Variants in HMGCLL1 observed in about 807,000 individuals in gnomAD.
HMGCLL1 encodes 3-hydroxymethyl-3-methylglutaryl-CoA lyase, cytoplasmic.
Under a neutral mutation model 39.1 loss-of-function variants are expected in HMGCLL1, and 36 were observed. That is an observed-to-expected ratio of 0.92 (90% CI 0.71 to 1.22). HMGCLL1 has a LOEUF of 1.22. HMGCLL1 is among the 50% of genes most tolerant of loss of function. The probability of loss-of-function intolerance (pLI) is 0.00; values close to 1 mark genes in which losing one functional copy is unlikely to be tolerated. For missense variants in HMGCLL1, 451 were observed against 416.5 expected (o/e 1.08, Z -0.72); for synonymous variants, 149 against 144.0 (o/e 1.03, Z -0.25).
intron 7 of HMGCLL1, among the ~76,000 whole-genome samples, chr6:55,471,898 T>C (rs1470982885): frequency 6.6e-6 from 1 of 151,700 alleles, no homozygotes; most frequent in Non-Finnish European, 1.5e-5. Context: ...TGCATGTTCA[T>C]GAATATTATA....
At chr6:55,578,848 G>C (rs533113653) in intron 1 of HMGCLL1, 100 bp downstream of exon 1, 2 of 821,404 alleles carry the variant, frequency 2.4e-6, no homozygotes, top group Admixed American at 2.0e-5. Flanking sequence ...GGGGTGAGGA[G>C]GTGACATAAA....
At chr6:55,509,373 C>G (rs1210638796) in intron 5 of HMGCLL1, among the ~76,000 whole-genome samples, 2 of 151,828 alleles carry the variant, frequency 1.3e-5, no homozygotes, top group Non-Finnish European at 2.9e-5. Context: ...TCACAGTGTA[C>G]TTAAAAATGG....
chr6:55,628,067 T>A, the HMGCLL1 span, among the ~76,000 whole-genome samples: 21 of 1,402 alleles, frequency 0.015, 10 homozygotes, highest in Non-Finnish European at 0.029. Context: ...ATATATATAG[T>A]GTATATATAT....
chr6:55,456,805 T>C (rs953648616), intron 7 of HMGCLL1, among the ~76,000 whole-genome samples: 3 of 152,154 alleles, frequency 2.0e-5, no homozygotes, highest in African/African-American at 7.2e-5. Context: ...ATCCAGCCTA[T>C]AGGGCTCACT....
intron 6 of HMGCLL1, among the ~76,000 whole-genome samples, chr6:55,498,093 G>T (rs1317032398): frequency 6.6e-6 from 1 of 152,124 alleles, no homozygotes; most frequent in Middle Eastern, 3.2e-3. Flanking sequence ...AGGCGTTCGG[G>T]TACAGAAATG....
intron 3 of HMGCLL1, among the ~76,000 whole-genome samples, chr6:55,526,290 C>T (rs1272810500): frequency 6.6e-6 from 1 of 151,996 alleles, no homozygotes; most frequent in East Asian, 1.9e-4. Context: ...AATCTTTTTC[C>T]CTTTTTTATC....
At chr6:55,636,104 A>C in the HMGCLL1 span, among the ~76,000 whole-genome samples, 1 of 152,174 alleles carries the variant, frequency 6.6e-6, no homozygotes, top group Non-Finnish European at 1.5e-5. Context: ...TTTCATTTTC[A>C]CAAGTGATTA....
At chr6:55,478,658 A>T (rs1211965638) in intron 7 of HMGCLL1, among the ~76,000 whole-genome samples, 1 of 151,270 alleles carries the variant, frequency 6.6e-6, no homozygotes, top group Non-Finnish European at 1.5e-5. Context: ...ATACCTAAAA[A>T]TTTTTCATAT....
chr6:55,650,914 C>T, the HMGCLL1 span, among the ~76,000 whole-genome samples: 1 of 149,560 alleles, frequency 6.7e-6, no homozygotes, highest in Non-Finnish European at 1.5e-5. Flanking sequence ...TACTGCCAGG[C>T]CTGAGACTCA....
the HMGCLL1 span, among the ~76,000 whole-genome samples, chr6:55,609,351 G>A: frequency 3.3e-5 from 5 of 152,116 alleles, no homozygotes; most frequent in African/African-American, 1.2e-4. Flanking sequence ...GCTGGAGCCG[G>A]GGAAACTGGA....
chr6:55,576,005 T>C (rs1247021330), intron 1 of HMGCLL1, among the ~76,000 whole-genome samples: 2 of 152,200 alleles, frequency 1.3e-5, no homozygotes, highest in African/African-American at 2.4e-5. Flanking sequence ...AAAAGTATTA[T>C]TGGCCATAAA....
At chr6:55,554,298 C>A (rs569180752) in intron 1 of HMGCLL1, among the ~76,000 whole-genome samples, 5 of 152,196 alleles carry the variant, frequency 3.3e-5, no homozygotes, top group African/African-American at 1.2e-4. Context: ...TCTTTCACCC[C>A]AGGGAGTTTC....
At chr6:55,626,902 G>A in the HMGCLL1 span, among the ~76,000 whole-genome samples, 1 of 151,918 alleles carries the variant, frequency 6.6e-6, no homozygotes, top group African/African-American at 2.4e-5. Context: ...GGAAGAGTAT[G>A]TATGGAATAC....
At chr6:55,627,777 G>T in the HMGCLL1 span, among the ~76,000 whole-genome samples, 2 of 141,612 alleles carry the variant, frequency 1.4e-5, no homozygotes, top group South Asian at 2.2e-4. Context: ...TGGACTCCAG[G>T]TTCTTCAGTT....
chr6:55,638,803 A>G, the HMGCLL1 span, among the ~76,000 whole-genome samples: 2 of 152,216 alleles, frequency 1.3e-5, no homozygotes, highest in Non-Finnish European at 2.9e-5. Flanking sequence ...TATATACAGT[A>G]AAAGAGATAA....
intron 8 of HMGCLL1, among the ~76,000 whole-genome samples, chr6:55,437,077 T>C (rs1763401124): frequency 6.6e-6 from 1 of 152,050 alleles, no homozygotes; most frequent in African/African-American, 2.4e-5. Flanking sequence ...CTCTTTTCAG[T>C]AAGTCCATTT....
intron 5 of HMGCLL1, among the ~76,000 whole-genome samples, chr6:55,505,148 C>A (rs1413818456): frequency 6.6e-6 from 1 of 151,554 alleles, no homozygotes; most frequent in Non-Finnish European, 1.5e-5. Context: ...TCTTTAATAA[C>A]CTTACCTAGA....
the HMGCLL1 span, among the ~76,000 whole-genome samples, chr6:55,609,771 C>T: frequency 6.6e-6 from 1 of 152,068 alleles, no homozygotes; most frequent in South Asian, 2.1e-4. Flanking sequence ...CAGGAGCATT[C>T]CTACTGGCAT....
chr6:55,670,213 G>T, the HMGCLL1 span, among the ~76,000 whole-genome samples: 1 of 151,520 alleles, frequency 6.6e-6, no homozygotes, highest in Non-Finnish European at 1.5e-5. Context: ...TCTTCAGCCT[G>T]GAAAGAGAAC....
Sources: gnomAD v4.1 joint callset for allele counts (sites outside exome capture counted in the v4.1 genomes callset) on GRCh38, gnomAD v4.1.1 for gene constraint, MANE v1.5 for transcripts, NCBI Gene and HGNC (gene_info 2026-07-23, HGNC 2026-07-21) for gene names.